Variants in GPHN observed in about 807,000 individuals in gnomAD.
GPHN encodes gephyrin.
Under a neutral mutation model 95.5 loss-of-function variants are expected in GPHN, and 17 were observed. That is an observed-to-expected ratio of 0.18 (90% CI 0.12 to 0.27). GPHN has a LOEUF of 0.27. Among genes scored for constraint, GPHN ranks in the 10% least tolerant of loss-of-function variants. The pLI is 1.00. For synonymous variants in GPHN, 320 were observed against 322.5 expected (o/e 0.99, Z 0.08); for missense variants, 660 against 978.1 (o/e 0.67, Z 4.34).
chr14:67,257,005 G>A, the GPHN span, among the ~76,000 whole-genome samples: 4 of 152,254 alleles, frequency 2.6e-5, no homozygotes, highest in Admixed American at 2.0e-4. Flanking sequence ...CAAGGTGATC[G>A]GGGTACAGCT....
At chr14:67,676,555 C>T in the GPHN span, among the ~76,000 whole-genome samples, 4 of 151,838 alleles carry the variant, frequency 2.6e-5, no homozygotes, top group South Asian at 4.1e-4. Context: ...CAAAGCAAGA[C>T]GCTGTCTCTA....
At chr14:67,096,451 G>A (rs17103943) in intron 12 of GPHN, among the ~76,000 whole-genome samples, 2,286 of 152,176 alleles carry the variant, frequency 0.015, 23 homozygotes, top group Non-Finnish European at 0.018. Flanking sequence ...GTGCATGTGT[G>A]GGGGAACAGG....
intron 2 of GPHN, among the ~76,000 whole-genome samples, chr14:66,739,568 C>CTT (rs2153439047): frequency 6.8e-6 from 1 of 147,446 alleles, no homozygotes; most frequent in Admixed American, 6.8e-5. Context: ...AGGAAAAACA[C>CTT]TTTAAGTGTA....
chr14:67,111,899 T>C lies in GPHN; in HGVS notation c.1452T>C (p.Ala484=). ...TTGAAGTGCGAATTCTGGTGCAAGCTCGGCCAGGCCAAGATATCAGGTAAC... is the reference window on the plus strand; with the variant it reads ...TTGAAGTGCGAATTCTGGTGCAAGCCCGGCCAGGCCAAGATATCAGGTAAC... ...EELEVRILVQ[A]RPGQDIRPIG... is the part of the protein sequence containing the mutation. The change falls in exon 15 of 23, where the codon GCT becomes GCC. Residue 484 remains alanine, a synonymous_variant. Coordinates refer to ENST00000478722, the MANE Select transcript of GPHN (RefSeq NM_020806.5). The C allele has an allele frequency of 6.2e-7, 1 of 1,613,168 alleles. No individual in the cohort carries two copies. Among genetic ancestry groups the C allele is most frequent in the East Asian group, 2.2e-5 (1 of 44,874 alleles).
intron 4 of GPHN, among the ~76,000 whole-genome samples, chr14:66,843,306 C>T (rs907073408): frequency 2.0e-5 from 3 of 152,178 alleles, no homozygotes; most frequent in African/African-American, 7.2e-5. Flanking sequence ...TTCCCCTATA[C>T]TATGGCCTAA....
At chr14:67,203,406 C>T in the GPHN span, 2 of 814,078 alleles carry the variant, frequency 2.5e-6, no homozygotes, top group Admixed American at 6.1e-5. Context: ...GTTACTCGCA[C>T]TCCCTGCTGC....
chr14:67,313,577 G>A, the GPHN span, among the ~76,000 whole-genome samples: 1 of 152,166 alleles, frequency 6.6e-6, no homozygotes, highest in Admixed American at 6.5e-5. Flanking sequence ...ACTAAGGGAA[G>A]TTTAATAAGC....
intron 17 of GPHN, among the ~76,000 whole-genome samples, chr14:67,134,117 G>C (rs773062270): frequency 1.3e-5 from 2 of 152,192 alleles, no homozygotes; most frequent in Non-Finnish European, 2.9e-5. Context: ...ATCTTATTCT[G>C]ATGTTAGCTA....
the GPHN span, chr14:67,392,230 C>G: frequency 1.2e-6 from 1 of 854,658 alleles, no homozygotes. Context: ...TTGGTGCCCT[C>G]CAGCAGCCTC....
chr14:67,180,683 T>G, intron 22 of GPHN, 121 bp from the exon 23 acceptor site: 2 of 897,650 alleles, frequency 2.2e-6, no homozygotes, highest in Non-Finnish European at 3.6e-6. Context: ...GAAAGTTTGA[T>G]CATCCCTTCT....
chr14:67,569,978 A>G, the GPHN span: 2 of 1,608,552 alleles, frequency 1.2e-6, no homozygotes, highest in South Asian at 2.2e-5. Flanking sequence ...GTCTACAAGA[A>G]TGTCACTGTG....
At chr14:67,724,853 A>G in the GPHN span, among the ~76,000 whole-genome samples, 1 of 152,194 alleles carries the variant, frequency 6.6e-6, no homozygotes, top group African/African-American at 2.4e-5. Context: ...CTAAAAGGAG[A>G]TACTAAGTGA....
At chr14:67,304,940 T>C in the GPHN span, among the ~76,000 whole-genome samples, 1 of 152,350 alleles carries the variant, frequency 6.6e-6, no homozygotes, top group African/African-American at 2.4e-5. Context: ...ATCACAGGTA[T>C]GCTTTATAGT....
chr14:67,562,050 G>T, the GPHN span: 1 of 1,611,302 alleles, frequency 6.2e-7, no homozygotes, highest in East Asian at 2.2e-5. Flanking sequence ...GCAGGCCAGG[G>T]TGTGCAGGTG....
the GPHN span, chr14:67,586,545 G>A: frequency 4.8e-6 from 3 of 627,190 alleles, no homozygotes; most frequent in Non-Finnish European, 7.7e-6. Context: ...CTTGTTGTGG[G>A]GAAGACCGCA....
chr14:67,591,704 G>A, the GPHN span: 1 of 151,914 alleles, frequency 6.6e-6, no homozygotes, highest in African/African-American at 2.4e-5. Flanking sequence ...GCTAATTTTG[G>A]TATTTTTTGT....
intron 10 of GPHN, among the ~76,000 whole-genome samples, chr14:67,045,397 T>TCC (rs1491581519): frequency 6.6e-6 from 1 of 152,084 alleles, no homozygotes; most frequent in Non-Finnish European, 1.5e-5. Flanking sequence ...TCCCTCTCTG[T>TCC]CTCTCTCTCT....
chr14:66,827,765 A>G (rs1226111084), intron 4 of GPHN, among the ~76,000 whole-genome samples: 1 of 152,010 alleles, frequency 6.6e-6, no homozygotes, highest in Non-Finnish European at 1.5e-5. Context: ...GGTAAGCTTC[A>G]TATTTGATCT....
the GPHN span, chr14:67,695,937 T>C: frequency 1.9e-6 from 1 of 516,238 alleles, no homozygotes; most frequent in Non-Finnish European, 3.4e-6. Context: ...GCTTAGGGCC[T>C]GTGGGATCAT....
Sources: gnomAD v4.1 joint callset for allele counts (sites outside exome capture counted in the v4.1 genomes callset) on GRCh38, gnomAD v4.1.1 for gene constraint, MANE v1.5 for transcripts, NCBI Gene and HGNC (gene_info 2026-07-23, HGNC 2026-07-21) for gene names.